Variants in NUP210 observed in about 807,000 individuals in gnomAD.
NUP210 encodes the protein nucleoporin 210, also known as nuclear pore membrane glycoprotein 210.
A neutral mutation model predicts 196.0 loss-of-function variants in NUP210; 151 were observed. The observed-to-expected ratio is 0.77, with a 90% confidence interval of 0.67 to 0.88. The LOEUF (loss-of-function observed/expected upper bound fraction) is 0.88. NUP210 is among the 40% of genes least tolerant of loss of function. The pLI, the probability that NUP210 is intolerant of heterozygous loss-of-function variation, is 0.00. For synonymous variants in NUP210, 1,070 were observed against 1,052.7 expected (o/e 1.02, Z -0.32); for missense variants, 2,314 against 2,493.7 (o/e 0.93, Z 1.53).
At chr3:13,386,012 C>T (rs531770596) in intron 6 of NUP210, among the ~76,000 whole-genome samples, 2 of 152,232 alleles carry the variant, frequency 1.3e-5, no homozygotes, top group Admixed American at 6.5e-5. Flanking sequence ...TTCACAGAGA[C>T]AGGAAATAGA....
intron 3 of NUP210, among the ~76,000 whole-genome samples, chr3:13,395,391 C>T (rs1363903837): frequency 6.6e-6 from 1 of 152,228 alleles, no homozygotes; most frequent in African/African-American, 2.4e-5. Flanking sequence ...CATCTCGGCT[C>T]ACTGCAGCCT....
chr3:13,333,921 G>A (rs186990255), intron 28 of NUP210, among the ~76,000 whole-genome samples: 26 of 152,276 alleles, frequency 1.7e-4, no homozygotes, highest in Admixed American at 1.3e-3. Flanking sequence ...AATGGCAACT[G>A]ATACTTGATA....
chr3:13,342,513 T>C (rs1023557121), intron 21 of NUP210, among the ~76,000 whole-genome samples: 1 of 152,152 alleles, frequency 6.6e-6, no homozygotes, highest in African/African-American at 2.4e-5. Flanking sequence ...AAGAAACAGA[T>C]GATTAGCAAA....
Position 13,358,457 on chromosome 3 carries a change from T to C in NUP210, c.2155-62A>G. On this transcript the variant is annotated intron_variant, in intron 15 of 39. Coordinates refer to ENST00000254508, the MANE Select transcript of NUP210 (RefSeq NM_024923.4). ...TGAGTTCTCACTCCTCTCTGAGCTA[T>C]GCCACACCCCACCCCAGCTCCCTCT... 4.7e-6 allele frequency: 7 copies of C among 1,486,264 alleles called. No individual in the cohort carries two copies. In the South Asian group the frequency reaches 9.1e-5, roughly 19 times the overall value. The allele number at this position is 1,486,264 out of a possible 1,614,324, so 92.1% of individuals were successfully genotyped here.
intron 6 of NUP210, among the ~76,000 whole-genome samples, chr3:13,380,339 T>G (rs1429711163): frequency 6.6e-6 from 1 of 152,126 alleles, no homozygotes; most frequent in East Asian, 1.9e-4. Flanking sequence ...CACAAGCACT[T>G]TTGACAGCAA....
intron 12 of NUP210, 135 bp downstream of exon 12, chr3:13,373,583 G>A (rs1698800882): frequency 3.7e-6 from 3 of 800,578 alleles, no homozygotes; most frequent in Non-Finnish European, 6.0e-6. Flanking sequence ...CTAAGGGAAG[G>A]GCTGGGGCTT....
At position 13,388,315 on chromosome 3, in the gene NUP210, C is replaced by A; in HGVS notation, c.672G>T (p.Glu224Asp). 1 of 1,607,818 alleles carries A rather than the reference C, an allele frequency of 6.2e-7. No individual in the cohort carries two copies. The highest frequency in any genetic ancestry group is 1.1e-5 in the South Asian group (1 of 89,944). ...GSSKLKARIQEAVYKNVRPAE... is the reference protein window; with the variant it reads ...GSSKLKARIQDAVYKNVRPAE... Reference sequence around the variant, plus strand: ...GCCCCAGGCCCACCTTGTAGACAGCCTCCTGGATGCGAGCCTTGAGCTTGG... The same window carrying A: ...GCCCCAGGCCCACCTTGTAGACAGCATCCTGGATGCGAGCCTTGAGCTTGG... The change falls in exon 5 of 40, where the codon GAG (glutamate) becomes GAT (aspartate). Residue 224 changes from glutamate to aspartate, a missense_variant. Glu to Asp is a conservative substitution (Grantham distance 45). Transcript: ENST00000254508.
chr3:13,341,465 C>T (rs1031600948), intron 23 of NUP210, among the ~76,000 whole-genome samples: 1 of 152,136 alleles, frequency 6.6e-6, no homozygotes, highest in African/African-American at 2.4e-5. Flanking sequence ...GGTGTGTCCC[C>T]TTGCCATGTG....
At chr3:13,324,053 G>T (rs1427665717) in intron 33 of NUP210, among the ~76,000 whole-genome samples, 3 of 152,170 alleles carry the variant, frequency 2.0e-5, no homozygotes, top group African/African-American at 4.8e-5. Context: ...TCAGAGCAGG[G>T]ATGCGATTGA....
Position 13,347,191 on chromosome 3 carries a change from G to A in NUP210, c.2836-3888C>T, listed in dbSNP as rs1005256233. ...CCAGGAGATGGAGAGACACAGCTGC[G>A]GCTCACAGGAGCTGGGCCCCCCGGC... is the stretch of plus-strand genomic sequence containing the variant. On this transcript the variant is annotated intron_variant, in intron 20 of 39. Coordinates refer to ENST00000254508, the MANE Select transcript of NUP210 (RefSeq NM_024923.4). The surrounding 1 kb of genome is among the most constrained non-coding windows in gnomAD (Gnocchi z 4.7). 6 of 985,254 alleles carry A rather than the reference G, an allele frequency of 6.1e-6. No homozygotes were observed. Among genetic ancestry groups the A allele is most frequent in the South Asian group, 9.4e-5 (2 of 21,294 alleles). The allele number at this position is 985,254 out of a possible 1,614,324, so 61.0% of individuals were successfully genotyped here.
At position 13,348,693 on chromosome 3, in the gene NUP210, C is replaced by T; in HGVS notation, c.2835+3186G>A. Reference sequence around the variant, plus strand: ...GCTCCTCGCCTCCTCCAGTGTCCTCCAACCACAAGCATGTCCCCAGCTGCT... The same window carrying T: ...GCTCCTCGCCTCCTCCAGTGTCCTCTAACCACAAGCATGTCCCCAGCTGCT... On this transcript the variant is annotated intron_variant, in intron 20 of 39. Transcript: ENST00000254508. The surrounding 1 kb of genome is among the most constrained non-coding windows in gnomAD (Gnocchi z 4.0). 2.0e-6 allele frequency: 2 copies of T among 985,394 alleles called. No homozygotes were observed. Among genetic ancestry groups the T allele is most frequent in the Non-Finnish European group, 1.2e-6 (1 of 829,928 alleles). The allele number at this position is 985,394 out of a possible 1,614,324, so 61.0% of individuals were successfully genotyped here. A position where few individuals can be genotyped will look rare whatever the true frequency, so the allele number is the denominator to read the frequency against.
intron 20 of NUP210, among the ~76,000 whole-genome samples, chr3:13,349,057 TCC>T (rs972185616): frequency 7.1e-6 from 1 of 140,436 alleles, no homozygotes; most frequent in Non-Finnish European, 1.5e-5. Context: ...GCCACAGACT[TCC>T]CCATGAAACA....
chr3:13,342,013 G>T lies in NUP210; in HGVS notation c.3075C>A (p.Ser1025=), dbSNP rs757436328. The T allele has an allele frequency of 2.5e-6, 4 of 1,614,190 alleles. No homozygotes were observed. The South Asian group carries it at 4.4e-5, about 18-fold the overall frequency. The stretch of plus-strand genomic sequence containing the variant: ...GAACTCACACCAATGTAATGATCGG[G>T]GAGGCTGCTCGGAGCTTCAGGTCCA... ...PFMDLKLRAA[S]PIITLVALDE... is the part of the protein sequence containing the mutation. The change falls in exon 22 of 40, where the codon TCC becomes TCA. Residue 1025 remains serine (S), a synonymous_variant. Coordinates refer to ENST00000254508, the MANE Select transcript of NUP210 (RefSeq NM_024923.4).
Position 13,376,188 on chromosome 3 carries a change from TG to T in NUP210, c.1293+102del, listed in dbSNP as rs1698897281. 3 of 1,163,356 alleles carry T rather than the reference TG, an allele frequency of 2.6e-6. No individual in the cohort carries two copies. The South Asian group carries it at 4.2e-5, about 16-fold the overall frequency. The allele number at this position is 1,163,356 out of a possible 1,614,324, so 72.1% of individuals were successfully genotyped here. ...GCCCAAACAGGAAAAGGGATGCAGG[TG>T]GCCCAACTCCCTGGGACTCATGGCC... On this transcript the variant is annotated intron_variant, in intron 10 of 39. Transcript: ENST00000254508.
At chr3:13,355,725 G>A (rs879387033) in intron 16 of NUP210, among the ~76,000 whole-genome samples, 2 of 152,190 alleles carry the variant, frequency 1.3e-5, no homozygotes, top group Non-Finnish European at 2.9e-5. Flanking sequence ...CAGCAGGCAT[G>A]CAAAGGTCTC....
chr3:13,388,543 C>T (rs1181950926), intron 4 of NUP210, 90 bp from the exon 5 acceptor site: 3 of 1,325,048 alleles, frequency 2.3e-6, no homozygotes, highest in Admixed American at 5.1e-5. Context: ...ATCAGTACCT[C>T]CCACTGGGGC....
intron 6 of NUP210, among the ~76,000 whole-genome samples, chr3:13,380,450 G>A (rs1699063519): frequency 6.6e-6 from 1 of 152,192 alleles, no homozygotes; most frequent in South Asian, 2.1e-4. Context: ...ACGCTACTGA[G>A]AGCCACATTT....
chr3:13,375,453 T>A (rs776244254), intron 11 of NUP210, 51 bp downstream of exon 11: 43 of 1,550,784 alleles, frequency 2.8e-5, no homozygotes, highest in Admixed American at 5.4e-5. Flanking sequence ...AAAGCCACAA[T>A]CCCATGAAAA....
chr3:13,328,071 A>G (rs1696847483), intron 31 of NUP210, among the ~76,000 whole-genome samples: 1 of 152,220 alleles, frequency 6.6e-6, no homozygotes, highest in Non-Finnish European at 1.5e-5. Context: ...AGTGCTGACT[A>G]GGTCTCTATC....
Sources: allele counts gnomAD v4.1 joint callset (sites outside exome capture counted in the v4.1 genomes callset), GRCh38; gene constraint gnomAD v4.1.1; non-coding constraint Gnocchi (gnomAD v3.1); transcripts MANE v1.5; gene names NCBI Gene and HGNC (gene_info 2026-07-23, HGNC 2026-07-21).